The following HS6ST1 variants were observed in gnomAD, a reference collection of about 807,000 sequenced individuals.
HS6ST1 encodes heparan-sulfate 6-O-sulfotransferase 1.
Under a neutral mutation model 25.2 loss-of-function variants are expected in HS6ST1, and 3 were observed. The observed-to-expected ratio is 0.12, with a 90% CI of 0.05 to 0.31. HS6ST1 has a LOEUF of 0.31. Ranked by LOEUF, HS6ST1 falls within the 10% of genes least tolerant of loss-of-function variation. The probability of loss-of-function intolerance (pLI) is 1.00; values close to 1 mark genes in which losing one functional copy is unlikely to be tolerated. For synonymous variants in HS6ST1, 204 were observed against 275.1 expected (o/e 0.74, Z 2.56); for missense variants, 310 against 609.6 (o/e 0.51, Z 5.18).
chr2:128,289,435 A>G (rs1693918510), intron 1 of HS6ST1, among the ~76,000 whole-genome samples: 1 of 152,220 alleles, frequency 6.6e-6, no homozygotes, highest in Non-Finnish European at 1.5e-5. Context: ...ATGGAGACTC[A>G]GAGATCCTTC....
chr2:128,303,180 C>A (rs840889), intron 1 of HS6ST1, among the ~76,000 whole-genome samples: 1 of 152,378 alleles, frequency 6.6e-6, no homozygotes. Context: ...CCACTCTCGA[C>A]GTTCTCTGAA....
intron 1 of HS6ST1, among the ~76,000 whole-genome samples, chr2:128,317,337 C>T (rs1694386434): frequency 1.3e-5 from 2 of 152,270 alleles, no homozygotes; most frequent in Non-Finnish European, 2.9e-5. Context: ...CTGGTAGCTT[C>T]CTGGGGAAGG....
At chr2:128,301,420 T>C (rs1369626923) in intron 1 of HS6ST1, among the ~76,000 whole-genome samples, 1 of 152,140 alleles carries the variant, frequency 6.6e-6, no homozygotes, top group Admixed American at 6.5e-5. Flanking sequence ...GAAAAGCATC[T>C]CCTCTAATAT....
At chr2:128,306,853 G>A (rs1203897001) in intron 1 of HS6ST1, among the ~76,000 whole-genome samples, 1 of 152,202 alleles carries the variant, frequency 6.6e-6, no homozygotes, top group Non-Finnish European at 1.5e-5. Context: ...CAAGGGGCCT[G>A]GGGAGTGAGG....
chr2:128,287,705 G>A (rs1693885762), intron 1 of HS6ST1, among the ~76,000 whole-genome samples: 1 of 152,214 alleles, frequency 6.6e-6, no homozygotes, highest in African/African-American at 2.4e-5. Flanking sequence ...AGCCCAGCAT[G>A]GCTGTGAGCA....
Position 128,312,586 on chromosome 2 carries a change from C to T in HS6ST1, c.527+5451G>A, listed in dbSNP as rs534570306. On this transcript the variant is annotated intron_variant, in intron 1 of 1. Coordinates refer to ENST00000259241, the MANE Select transcript of HS6ST1 (RefSeq NM_004807.3). ...GCCCCTGGGAGCTGCACCCCTCTCTCAGCAGGGGTGAAACTCAGCCACCTG... is the reference window on the plus strand; with the variant it reads ...GCCCCTGGGAGCTGCACCCCTCTCTTAGCAGGGGTGAAACTCAGCCACCTG... Among the ~76,000 whole-genome samples, 4 of 152,286 alleles carry T rather than the reference C, an allele frequency of 2.6e-5. No homozygotes were observed. The East Asian group carries it at 7.7e-4, about 30-fold the overall frequency.
intron 1 of HS6ST1, among the ~76,000 whole-genome samples, chr2:128,307,268 C>G (rs1055944556): frequency 1.3e-5 from 2 of 152,144 alleles, no homozygotes; most frequent in Admixed American, 1.3e-4. Context: ...GGGGGGTGCA[C>G]GCTGCAGGGA....
chr2:128,295,828 A>G (rs189789439), intron 1 of HS6ST1, among the ~76,000 whole-genome samples: 28 of 152,348 alleles, frequency 1.8e-4, no homozygotes, highest in African/African-American at 6.5e-4. Context: ...CTGCATAATA[A>G]AAACTTTCAA....
intron 1 of HS6ST1, among the ~76,000 whole-genome samples, chr2:128,269,151 A>G (rs1693572452): frequency 6.6e-6 from 1 of 152,168 alleles, no homozygotes; most frequent in African/African-American, 2.4e-5. Context: ...TGGTGGGTGG[A>G]GCCACCAATA....
At chr2:128,308,052 A>G (rs1487213653) in intron 1 of HS6ST1, among the ~76,000 whole-genome samples, 1 of 152,268 alleles carries the variant, frequency 6.6e-6, no homozygotes. Context: ...AAGGTCAAGC[A>G]GAGTTTGATA....
At chr2:128,296,772 A>G (rs1490324436) in intron 1 of HS6ST1, among the ~76,000 whole-genome samples, 1 of 152,254 alleles carries the variant, frequency 6.6e-6, no homozygotes, top group Non-Finnish European at 1.5e-5. Context: ...ACCTACTATC[A>G]TTAAGATGTA....
At chr2:128,300,679 G>A (rs1317695124) in intron 1 of HS6ST1, among the ~76,000 whole-genome samples, 1 of 152,224 alleles carries the variant, frequency 6.6e-6, no homozygotes, top group South Asian at 2.1e-4. Context: ...TTACGCAGGT[G>A]GAGGACGAGG....
chr2:128,272,912 T>G (rs1308972951), intron 1 of HS6ST1, among the ~76,000 whole-genome samples: 1 of 151,960 alleles, frequency 6.6e-6, no homozygotes, highest in African/African-American at 2.4e-5. Flanking sequence ...AGGCCTTCTG[T>G]GCACAGGAGG....
intron 1 of HS6ST1, among the ~76,000 whole-genome samples, chr2:128,303,504 T>C (rs1224200161): frequency 2.6e-5 from 4 of 152,222 alleles, no homozygotes; most frequent in African/African-American, 4.8e-5. Flanking sequence ...CACCCAATCA[T>C]GCAAAACCCT....
intron 1 of HS6ST1, among the ~76,000 whole-genome samples, chr2:128,315,399 C>G (rs931243040): frequency 6.6e-6 from 1 of 152,172 alleles, no homozygotes; most frequent in African/African-American, 2.4e-5. Context: ...CCACTGAGAC[C>G]CTCCCAAACC....
intron 1 of HS6ST1, among the ~76,000 whole-genome samples, chr2:128,276,120 T>A (rs190986278): frequency 2.0e-5 from 3 of 152,308 alleles, no homozygotes; most frequent in Non-Finnish European, 2.9e-5. Context: ...GGGACACACA[T>A]ATACATGTTG....
At chr2:128,295,154 G>GT (rs1694024935) in intron 1 of HS6ST1, among the ~76,000 whole-genome samples, 1 of 152,220 alleles carries the variant, frequency 6.6e-6, no homozygotes, top group African/African-American at 2.4e-5. Flanking sequence ...TGTGAACACC[G>GT]TGAGATGTTG....
At chr2:128,279,330 C>T (rs921968739) in intron 1 of HS6ST1, among the ~76,000 whole-genome samples, 1,330 of 124,820 alleles carry the variant, frequency 0.011, 45 homozygotes, top group African/African-American at 0.04. Flanking sequence ...ATGACAGAAC[C>T]TTTTTTTTTT....
chr2:128,275,695 G>A (rs934585840), intron 1 of HS6ST1, among the ~76,000 whole-genome samples: 8 of 152,346 alleles, frequency 5.3e-5, no homozygotes, highest in South Asian at 2.1e-4. Context: ...AGGCAAAGCC[G>A]GGCAGCAGCA....
Sources: allele counts gnomAD v4.1 joint callset (sites outside exome capture counted in the v4.1 genomes callset), GRCh38; gene constraint gnomAD v4.1.1; transcripts MANE v1.5; gene names NCBI Gene and HGNC (gene_info 2026-07-23, HGNC 2026-07-21).